Variants in CASQ2 observed in about 807,000 individuals in gnomAD.
CASQ2 encodes the protein calsequestrin 2, also known as calsequestrin-2.
CASQ2 carries 49 observed loss-of-function variants against 46.5 expected under a neutral mutation model. The observed-to-expected ratio is 1.05, with a 90% CI of 0.84 to 1.34. CASQ2 has a LOEUF of 1.34. Ranked by LOEUF, CASQ2 falls within the 40% of genes most tolerant of loss-of-function variation. The pLI is 0.00. For missense variants in CASQ2, 486 were observed against 481.3 expected, an observed-to-expected ratio of 1.01 and a Z score of -0.09; for synonymous variants, 174 against 168.5, an observed-to-expected ratio of 1.03 and a Z score of -0.25.
intron 1 of CASQ2, among the ~76,000 whole-genome samples, chr1:115,762,625 C>T (rs2101123830): frequency 6.6e-6 from 1 of 152,304 alleles, no homozygotes; most frequent in East Asian, 1.9e-4. Context: ...CTCTGAGGTC[C>T]TTGCATGTCT....
At chr1:115,745,376 T>C (rs867939291) in intron 1 of CASQ2, among the ~76,000 whole-genome samples, 3 of 152,036 alleles carry the variant, frequency 2.0e-5, no homozygotes, top group South Asian at 2.1e-4. Context: ...ATTCCCCCAC[T>C]CCTGGGCTTG....
chr1:115,719,675 G>A (rs979862884), intron 7 of CASQ2, among the ~76,000 whole-genome samples: 4 of 152,138 alleles, frequency 2.6e-5, no homozygotes, highest in Non-Finnish European at 5.9e-5. Flanking sequence ...GCATTTTCAA[G>A]TAATAAACTC....
intron 3 of CASQ2, among the ~76,000 whole-genome samples, chr1:115,738,899 T>A (rs6428703): frequency 0.72 from 106,301 of 148,474 alleles, 41,351 homozygotes; most frequent in Non-Finnish European, 0.87. Flanking sequence ...CACCCCATCC[T>A]GCTTTTGGCA....
intron 2 of CASQ2, among the ~76,000 whole-genome samples, chr1:115,744,166 G>T: frequency 6.7e-6 from 1 of 150,374 alleles, no homozygotes; most frequent in Non-Finnish European, 1.5e-5. Context: ...AAGAAAAAAA[G>T]AAAAGAAAAA....
chr1:115,700,257 A>G lies in CASQ2; in HGVS notation c.*984T>C, dbSNP rs917293815. On this transcript the variant is annotated 3_prime_UTR_variant, in exon 11 of 11. Coordinates refer to ENST00000261448, the MANE Select transcript of CASQ2 (RefSeq NM_001232.4). ...TTTTTCAGTGCCTCAGGGCATCAGT[A>G]TGAACTCCAATTATTGTTGCCCTGG... 6 of 152,294 alleles carry G rather than the reference A, an allele frequency of 3.9e-5. No individual in the cohort carries two copies. The highest frequency in any genetic ancestry group is 8.8e-5 in the Non-Finnish European group (6 of 68,002). The allele number at this position is 152,294 out of a possible 1,614,324, so 9.4% of individuals were successfully genotyped here. A position where few individuals can be genotyped will look rare whatever the true frequency, so the allele number is the denominator to read the frequency against.
intron 8 of CASQ2, among the ~76,000 whole-genome samples, chr1:115,710,513 C>T (rs1654503963): frequency 6.6e-6 from 1 of 152,114 alleles, no homozygotes; most frequent in Admixed American, 6.5e-5. Flanking sequence ...TTTTTAAGCC[C>T]AGTGTGAAAG....
At chr1:115,703,052 A>T in intron 9 of CASQ2, 57 bp from the exon 10 acceptor site, 1 of 1,372,980 alleles carries the variant, frequency 7.3e-7, no homozygotes, top group Non-Finnish European at 1.0e-6. Flanking sequence ...TCTGTTAAGG[A>T]CCCACCCGCC....
At chr1:115,766,824 G>A (rs1188916590) in intron 1 of CASQ2, among the ~76,000 whole-genome samples, 1 of 151,828 alleles carries the variant, frequency 6.6e-6, no homozygotes, top group Non-Finnish European at 1.5e-5. Context: ...TCATGATTTT[G>A]CATAGTCTTT....
intron 4 of CASQ2, among the ~76,000 whole-genome samples, chr1:115,735,141 T>C (rs1647913322): frequency 6.6e-6 from 1 of 152,196 alleles, no homozygotes; most frequent in African/African-American, 2.4e-5. Context: ...TCAAATAATA[T>C]TTATTCAGAG....
At chr1:115,755,016 G>A (rs952004754) in intron 1 of CASQ2, among the ~76,000 whole-genome samples, 33 of 152,270 alleles carry the variant, frequency 2.2e-4, no homozygotes, top group Non-Finnish European at 4.0e-4. Flanking sequence ...TTTCTGCCAG[G>A]GTCCCAGGTG....
intron 1 of CASQ2, among the ~76,000 whole-genome samples, chr1:115,763,388 C>A (rs1649026335): frequency 6.6e-6 from 1 of 152,058 alleles, no homozygotes; most frequent in East Asian, 1.9e-4. Flanking sequence ...CGACCTGTGA[C>A]CGCTGGCAAC....
At chr1:115,725,808 A>G (rs190111142) in intron 6 of CASQ2, among the ~76,000 whole-genome samples, 6 of 152,278 alleles carry the variant, frequency 3.9e-5, no homozygotes, top group African/African-American at 1.2e-4. Flanking sequence ...AGTCTTTTAC[A>G]AACAATGGGT....
intron 1 of CASQ2, among the ~76,000 whole-genome samples, chr1:115,759,320 GC>G (rs1648863493): frequency 6.6e-6 from 1 of 152,190 alleles, no homozygotes; most frequent in African/African-American, 2.4e-5. Context: ...ATAGATGAAT[GC>G]CCTCATTCAA....
At chr1:115,728,162 CAACT>C (rs1647658742) in intron 5 of CASQ2, among the ~76,000 whole-genome samples, 1 of 152,138 alleles carries the variant, frequency 6.6e-6, no homozygotes, top group South Asian at 2.1e-4. Context: ...AGGGCGGCTG[CAACT>C]AACTGGGGAA....
At chr1:115,717,615 G>A (rs940718974) in intron 8 of CASQ2, among the ~76,000 whole-genome samples, 9 of 152,214 alleles carry the variant, frequency 5.9e-5, no homozygotes, top group African/African-American at 1.9e-4. Context: ...AGCGCTGTAG[G>A]AACCTGGTAG....
At chr1:115,736,408 G>A (rs559701296) in intron 4 of CASQ2, among the ~76,000 whole-genome samples, 10 of 151,966 alleles carry the variant, frequency 6.6e-5, no homozygotes, top group Non-Finnish European at 4.4e-5. Flanking sequence ...AGGCTGAGGC[G>A]GGTGGATCAC....
intron 8 of CASQ2, among the ~76,000 whole-genome samples, chr1:115,713,447 C>T (rs1324262208): frequency 6.6e-6 from 1 of 152,212 alleles, no homozygotes; most frequent in Admixed American, 6.5e-5. Context: ...GGAGAGCAGA[C>T]TCTGCCTCCT....
intron 2 of CASQ2, among the ~76,000 whole-genome samples, chr1:115,743,982 C>CAAA (rs11462500): frequency 0.015 from 2,165 of 149,080 alleles, 65 homozygotes; most frequent in African/African-American, 0.051. Flanking sequence ...CATAAAAATA[C>CAAA]AAAAAAAAAA....
chr1:115,751,236 A>G (rs768674565), intron 1 of CASQ2, among the ~76,000 whole-genome samples: 8 of 152,254 alleles, frequency 5.3e-5, no homozygotes, highest in Non-Finnish European at 1.0e-4. Context: ...GTGCCAATTC[A>G]AAAATGCCAT....
Sources: gnomAD v4.1 joint callset for allele counts (sites outside exome capture counted in the v4.1 genomes callset) on GRCh38, gnomAD v4.1.1 for gene constraint, MANE v1.5 for transcripts, NCBI Gene and HGNC (gene_info 2026-07-23, HGNC 2026-07-21) for gene names.